The following EGFLAM variants were observed in gnomAD, a reference collection of about 807,000 sequenced individuals.
EGFLAM encodes EGF like, fibronectin type III and laminin G domains.
In EGFLAM, 79 loss-of-function variants were observed where a neutral mutation model predicts 113.1. That is an observed-to-expected ratio of 0.70 (90% CI 0.58 to 0.84). EGFLAM has a LOEUF of 0.84. Among genes scored for constraint, EGFLAM ranks in the 40% least tolerant of loss-of-function variants. The pLI is 0.00. For missense variants in EGFLAM, 1,265 were observed against 1,291.6 expected, an observed-to-expected ratio of 0.98 and a Z score of 0.32; for synonymous variants, 504 against 487.6, an observed-to-expected ratio of 1.03 and a Z score of -0.44.
chr5:38,279,235 T>C (rs573774610), intron 1 of EGFLAM, among the ~76,000 whole-genome samples: 1 of 152,280 alleles, frequency 6.6e-6, no homozygotes, highest in South Asian at 2.1e-4. Context: ...TTTGTGAGGA[T>C]GTGGAGAAAA....
rs1038761722 is a variant in EGFLAM, at chr5:38,340,123, C to T, written c.291+1342C>T. 3.9e-5 allele frequency among the ~76,000 whole-genome samples: 6 copies of T among 152,134 alleles called. No individual in the cohort carries two copies. In the South Asian group the frequency reaches 1.2e-3, roughly 32 times the overall value. ...GTGCCTCTGAAATTGATATCCTGCC[C>T]ATCACAGAACCTGGGCTGAATATTG... On this transcript the variant is annotated intron_variant, in intron 3 of 21. Transcript: ENST00000322350.
intron 6 of EGFLAM, among the ~76,000 whole-genome samples, chr5:38,393,099 C>T (rs1293859504): frequency 6.6e-6 from 1 of 152,002 alleles, no homozygotes; most frequent in East Asian, 1.9e-4. Context: ...ATCAGTTTTT[C>T]AATTCCATGA....
At chr5:38,293,963 A>G (rs1758396373) in intron 1 of EGFLAM, among the ~76,000 whole-genome samples, 2 of 152,080 alleles carry the variant, frequency 1.3e-5, no homozygotes. Context: ...CCTCTATATT[A>G]CTGTTTCTTT....
chr5:38,430,546 C>T (rs1742155644), intron 14 of EGFLAM, among the ~76,000 whole-genome samples: 1 of 152,322 alleles, frequency 6.6e-6, no homozygotes, highest in African/African-American at 2.4e-5. Flanking sequence ...TTAGTTTCCT[C>T]ATGGCTAGAT....
chr5:38,408,947 G>A, intron 9 of EGFLAM, 57 bp from the exon 10 acceptor site: 1 of 1,393,810 alleles, frequency 7.2e-7, no homozygotes, highest in East Asian at 2.5e-5. Context: ...TCCAGGTGGT[G>A]CCTTAAGGAA....
rs1213672623 is a variant in EGFLAM, at chr5:38,370,372, C to T, written c.622C>T (p.Pro208Ser). Residue 208 changes from proline to serine, a missense_variant, in exon 6 of 22, where the codon CCA (proline) becomes TCA (serine). Transcript: ENST00000322350. ...CTCCATGGTTATCAAGGGCCTCGAT[C>T]CAGATACCAACTACCAGTTTGCCGT... ...MDSMVIKGLDPDTNYQFAVRA... is the reference protein window; with the variant it reads ...MDSMVIKGLDSDTNYQFAVRA... 2 of 1,614,208 alleles carry T rather than the reference C, an allele frequency of 1.2e-6. No homozygotes were observed. The highest frequency in any genetic ancestry group is 2.2e-5 in the East Asian group (1 of 44,876).
intron 1 of EGFLAM, among the ~76,000 whole-genome samples, chr5:38,332,067 C>G (rs1410709680): frequency 6.6e-6 from 1 of 152,176 alleles, no homozygotes; most frequent in African/African-American, 2.4e-5. Context: ...TCCTGTTGCT[C>G]CACATCCTTG....
At chr5:38,309,591 A>G (rs1758810929) in intron 1 of EGFLAM, among the ~76,000 whole-genome samples, 1 of 152,158 alleles carries the variant, frequency 6.6e-6, no homozygotes, top group Non-Finnish European at 1.5e-5. Context: ...TGAGAAGCCC[A>G]CAACCATCAG....
At chr5:38,336,694 C>T (rs1739196044) in intron 1 of EGFLAM, among the ~76,000 whole-genome samples, 1 of 151,892 alleles carries the variant, frequency 6.6e-6, no homozygotes, top group Non-Finnish European at 1.5e-5. Flanking sequence ...CAATATGACG[C>T]TCAAGGGAAC....
chr5:38,446,523 C>G (rs1165273734), intron 17 of EGFLAM, among the ~76,000 whole-genome samples: 1 of 152,110 alleles, frequency 6.6e-6, no homozygotes, highest in East Asian at 1.9e-4. Flanking sequence ...TCCTCGTCTC[C>G]TCTTCCTCCT....
chr5:38,367,982 T>C (rs372172784), intron 5 of EGFLAM, among the ~76,000 whole-genome samples: 55 of 152,366 alleles, frequency 3.6e-4, no homozygotes, highest in African/African-American at 1.3e-3. Context: ...CTGCATTAAA[T>C]GGACAACATG....
chr5:38,373,002 C>T (rs1036168685), intron 6 of EGFLAM, among the ~76,000 whole-genome samples: 1 of 152,092 alleles, frequency 6.6e-6, no homozygotes, highest in African/African-American at 2.4e-5. Flanking sequence ...TAAATTAAAA[C>T]TGTTAAATTT....
At chr5:38,374,599 A>G (rs943063459) in intron 6 of EGFLAM, among the ~76,000 whole-genome samples, 14 of 152,204 alleles carry the variant, frequency 9.2e-5, no homozygotes, top group African/African-American at 3.1e-4. Context: ...TGTTATCCCC[A>G]GGAGCAATTT....
chr5:38,344,270 G>T (rs1211678849), intron 3 of EGFLAM, among the ~76,000 whole-genome samples: 2 of 152,198 alleles, frequency 1.3e-5, no homozygotes, highest in African/African-American at 4.8e-5. Context: ...CAGATCACCT[G>T]AGGTCAGGAG....
At chr5:38,374,346 G>A (rs527883283) in intron 6 of EGFLAM, among the ~76,000 whole-genome samples, 2 of 152,190 alleles carry the variant, frequency 1.3e-5, no homozygotes, top group Non-Finnish European at 2.9e-5. Flanking sequence ...CTGAGCATTC[G>A]GGGATCAGAA....
chr5:38,447,640 C>CA (rs1362097367), intron 17 of EGFLAM, among the ~76,000 whole-genome samples: 2 of 151,932 alleles, frequency 1.3e-5, no homozygotes, highest in African/African-American at 4.8e-5. Flanking sequence ...CCTGTAATCC[C>CA]AGCTACTTGA....
At chr5:38,374,942 T>C (rs1350351347) in intron 6 of EGFLAM, among the ~76,000 whole-genome samples, 1 of 152,212 alleles carries the variant, frequency 6.6e-6, no homozygotes, top group Non-Finnish European at 1.5e-5. Flanking sequence ...CACTTTTTAA[T>C]GGGGTTGTTT....
chr5:38,321,101 T>C lies in EGFLAM; in HGVS notation c.98-16419T>C, dbSNP rs576357749. 2.6e-5 allele frequency among the ~76,000 whole-genome samples: 4 copies of C among 152,276 alleles called. No homozygotes were observed. In the South Asian group the frequency reaches 8.3e-4, roughly 32 times the overall value. On this transcript the variant is annotated intron_variant, in intron 1 of 21. Transcript: ENST00000322350. ...TATATAATGAAGTAATTATTTCTTA[T>C]ACAACTTACCATAGTGTAGAATCAG...
chr5:38,453,896 C>T (rs1354046298), intron 19 of EGFLAM, among the ~76,000 whole-genome samples: 1 of 152,144 alleles, frequency 6.6e-6, no homozygotes, highest in Non-Finnish European at 1.5e-5. Flanking sequence ...CTGGAGAGCC[C>T]CCTCCCCTCT....
Sources: gnomAD v4.1 joint callset for allele counts (sites outside exome capture counted in the v4.1 genomes callset) on GRCh38, gnomAD v4.1.1 for gene constraint, MANE v1.5 for transcripts, NCBI Gene and HGNC (gene_info 2026-07-23, HGNC 2026-07-21) for gene names.